Variants in SCN2A observed in about 807,000 individuals in gnomAD.
The protein encoded by SCN2A is sodium channel protein type 2 subunit alpha.
In SCN2A, 20 loss-of-function variants were observed where a neutral mutation model predicts 188.7. That is an observed-to-expected ratio of 0.11 (90% confidence interval 0.07 to 0.15). The LOEUF is 0.15. Among genes scored for constraint, SCN2A ranks in the 10% least tolerant of loss-of-function variants. The pLI is 1.00. For missense variants in SCN2A, 1,278 were observed against 2,445.0 expected (o/e 0.52, Z 10.07); for synonymous variants, 804 against 833.1 (o/e 0.97, Z 0.60).
chr2:165,327,325 A>T, intron 13 of SCN2A: 1 of 275,942 alleles, frequency 3.6e-6, no homozygotes, highest in South Asian at 3.9e-5. Flanking sequence ...TTTGGATTAT[A>T]TTAACTGCTT....
At chr2:165,310,672 A>C in intron 7 of SCN2A, 77 bp downstream of exon 7, 3 of 1,054,684 alleles carry the variant, frequency 2.8e-6, no homozygotes, top group Non-Finnish European at 4.0e-6. Context: ...AAATTATCTC[A>C]ATTTAGATGT....
intron 14 of SCN2A, among the ~76,000 whole-genome samples, chr2:165,336,215 G>A (rs1698982323): frequency 6.6e-6 from 1 of 151,888 alleles, no homozygotes; most frequent in Non-Finnish European, 1.5e-5. Context: ...TTGGGGTAGA[G>A]TTACCACATG....
At position 165,345,342 on chromosome 2, in the gene SCN2A, T is replaced by A. The variant is rs141911766; in HGVS notation, c.2919+431T>A. Among the ~76,000 whole-genome samples the A allele has an allele frequency of 2.0e-5, 3 of 152,342 alleles. No individual in the cohort carries two copies. The East Asian group carries it at 5.8e-4, about 29-fold the overall frequency. ...TTTTCGGTGCCTAGAAACTATGGTA[T>A]GAGCAAGTAACATTGTCTCTAAAAA... On this transcript the variant is annotated intron_variant, in intron 16 of 26. Transcript: ENST00000375437.
chr2:165,271,335 T>G (rs772399924), intron 1 of SCN2A: 1 of 152,132 alleles, frequency 6.6e-6, no homozygotes, highest in Non-Finnish European at 1.5e-5. Context: ...GACTTGTGCT[T>G]CCCATTAAAG....
chr2:165,287,990 T>C (rs989560501), intron 1 of SCN2A, among the ~76,000 whole-genome samples: 3 of 152,228 alleles, frequency 2.0e-5, no homozygotes, highest in South Asian at 2.1e-4. Flanking sequence ...TACAGTACCA[T>C]GTCTGAATTA....
intron 1 of SCN2A, among the ~76,000 whole-genome samples, chr2:165,262,651 T>C (rs993291145): frequency 1.3e-5 from 2 of 152,070 alleles, no homozygotes; most frequent in African/African-American, 4.8e-5. Context: ...AACAAGTGAT[T>C]AATGGGCGTT....
intron 3 of SCN2A, among the ~76,000 whole-genome samples, chr2:165,300,136 A>G (rs1696724337): frequency 6.6e-6 from 1 of 152,212 alleles, no homozygotes; most frequent in Admixed American, 6.5e-5. Context: ...ACAAGTTAAA[A>G]ATAATCTATG....
intron 1 of SCN2A, among the ~76,000 whole-genome samples, chr2:165,276,902 G>A (rs527525605): frequency 2.0e-5 from 3 of 152,090 alleles, no homozygotes; most frequent in South Asian, 2.1e-4. Context: ...CTGGATGGGC[G>A]CGGTGGCTCA....
chr2:165,373,103 C>G lies in SCN2A; in HGVS notation c.3850-122C>G, dbSNP rs963112260. 2.2e-5 allele frequency: 23 copies of G among 1,064,202 alleles called. No homozygotes were observed. In the Admixed American group the frequency reaches 4.0e-4, roughly 19 times the overall value. 65.9% of individuals were successfully genotyped at this position (1,064,202 alleles called of 1,614,324 possible). ...CTGCTATTGGTGTTTTTAACAAGAC[C>G]CCTGGGTGATTTTGAAACTCATGAA... On this transcript the variant is annotated intron_variant, in intron 20 of 26. Transcript: ENST00000375437.
At chr2:165,324,534 T>A (rs1698251265) in intron 12 of SCN2A, among the ~76,000 whole-genome samples, 1 of 152,148 alleles carries the variant, frequency 6.6e-6, no homozygotes, top group Admixed American at 6.6e-5. Flanking sequence ...TGCAGTCAGG[T>A]TGAACCATGA....
chr2:165,262,014 G>T (rs924234740), intron 1 of SCN2A, among the ~76,000 whole-genome samples: 1 of 152,156 alleles, frequency 6.6e-6, no homozygotes, highest in Non-Finnish European at 1.5e-5. Flanking sequence ...TATCTATTCT[G>T]CCTGGGAAAG....
chr2:165,298,687 G>GATTATAA (rs1696634136), intron 3 of SCN2A, among the ~76,000 whole-genome samples: 1 of 152,092 alleles, frequency 6.6e-6, no homozygotes, highest in African/African-American at 2.4e-5. Flanking sequence ...TGGGTCTCAT[G>GATTATAA]ATTATAAATT....
At chr2:165,274,751 T>C (rs1356687714) in intron 1 of SCN2A, among the ~76,000 whole-genome samples, 2 of 152,214 alleles carry the variant, frequency 1.3e-5, no homozygotes, top group African/African-American at 4.8e-5. Flanking sequence ...CTGTTTCTAG[T>C]TGCTAAATTT....
intron 13 of SCN2A, among the ~76,000 whole-genome samples, chr2:165,329,077 A>G (rs972869286): frequency 1.3e-4 from 14 of 111,144 alleles, no homozygotes; most frequent in African/African-American, 4.3e-4. Context: ...CCTTTCTTCT[A>G]TGTCTGATTA....
rs147304502 is a variant in SCN2A, at chr2:165,300,608, A to T, written c.386+3473A>T. On this transcript the variant is annotated intron_variant, in intron 3 of 26. Coordinates refer to ENST00000375437, the MANE Select transcript of SCN2A (RefSeq NM_001040142.2). ...TAAAGTCAGTTCAAGGAGAACAGCA[A>T]GTATGAAGGTAAAGTCTGAAGGTGG... Among the ~76,000 whole-genome samples the T allele has an allele frequency of 6.2e-3, 948 of 152,280 alleles. 16 individuals carry two copies. Among genetic ancestry groups the T allele is most frequent in the African/African-American group, 0.021 (866 of 41,568 alleles).
rs140137535 is a variant in SCN2A, at chr2:165,259,931, A to ATTTTTTTT, written c.-52+20309_-52+20316dup. Among the ~76,000 whole-genome samples the ATTTTTTTT allele has an allele frequency of 2.1e-4, 19 of 89,470 alleles. 1 individual carries two copies. The highest frequency in any genetic ancestry group is 8.8e-4 in the African/African-American group (19 of 21,550). The allele number at this position is 89,470 out of a possible 152,430, so 58.7% of individuals were successfully genotyped here. A position where few individuals can be genotyped will look rare whatever the true frequency, so the allele number is the denominator to read the frequency against. On this transcript the variant is annotated intron_variant, in intron 1 of 26. Coordinates refer to ENST00000375437, the MANE Select transcript of SCN2A (RefSeq NM_001040142.2). ...ATGGCACCTGTAGCCCTAAAAATGG[A>ATTTTTTTT]TTTTTTTTTTTTTTTTTTTTTTTTT...
chr2:165,389,515 A>G lies in SCN2A; in HGVS notation c.5709A>G (p.Lys1903=), dbSNP rs780697553. Residue 1903 remains lysine (K), a synonymous_variant, in exon 27 of 27, where the codon AAA becomes AAG. Coordinates refer to ENST00000375437, the MANE Select transcript of SCN2A (RefSeq NM_001040142.2). The surrounding 1 kb of genome is among the most constrained non-coding windows in gnomAD (Gnocchi z 4.2). ...CCATTACGACCACGTTGAAACGCAA[A>G]CAAGAGGAGGTGTCTGCTATTATTA... The part of the protein sequence containing the change: ...YEPITTTLKR[K]QEEVSAIIIQ... The G allele has an allele frequency of 6.2e-6, 10 of 1,613,832 alleles. No homozygotes were observed. Among genetic ancestry groups the G allele is most frequent in the African/African-American group, 4.0e-5 (3 of 74,878 alleles).
intron 13 of SCN2A, chr2:165,327,262 A>G: frequency 2.5e-6 from 1 of 408,068 alleles, no homozygotes; most frequent in East Asian, 5.5e-5. Context: ...TGTGTGCATG[A>G]CGTTGAAAAG....
At chr2:165,315,847 C>A in intron 11 of SCN2A, 89 bp downstream of exon 11, 2 of 1,354,158 alleles carry the variant, frequency 1.5e-6, no homozygotes, top group Non-Finnish European at 1.0e-6. Context: ...CGCCTTCCAC[C>A]TGGATGGCAC....
Sources: allele counts gnomAD v4.1 joint callset (sites outside exome capture counted in the v4.1 genomes callset), GRCh38; gene constraint gnomAD v4.1.1; non-coding constraint Gnocchi (gnomAD v3.1); transcripts MANE v1.5; gene names NCBI Gene and HGNC (gene_info 2026-07-23, HGNC 2026-07-21).